SERINC5: variants seen among roughly 807,000 people sequenced by gnomAD.
SERINC5 encodes the protein chromosome 5 open reading frame 12.
SERINC5 carries 41 observed loss-of-function variants against 63.1 expected under a neutral mutation model. The ratio of observed to expected loss-of-function variants is 0.65; its 90% CI spans 0.51 to 0.84. The LOEUF (loss-of-function observed/expected upper bound fraction) is 0.84. Among genes scored for constraint, SERINC5 ranks in the 40% least tolerant of loss-of-function variants. The pLI, the probability that SERINC5 is intolerant of heterozygous loss-of-function variation, is 0.00. For synonymous variants in SERINC5, 222 were observed against 215.2 expected (o/e 1.03, Z -0.28); for missense variants, 523 against 573.0 (o/e 0.91, Z 0.89).
At chr5:80,241,951 G>T (rs546400934) in intron 1 of SERINC5, among the ~76,000 whole-genome samples, 7 of 150,738 alleles carry the variant, frequency 4.6e-5, no homozygotes, top group African/African-American at 1.5e-4. Context: ...TAGTAAGACC[G>T]TGTCTCCACA....
chr5:80,116,069 C>A, intron 11 of SERINC5: 1 of 341,488 alleles, frequency 2.9e-6, no homozygotes, highest in South Asian at 2.3e-5. Flanking sequence ...AAGGCTGGGG[C>A]TGATGGATGA....
chr5:80,193,657 G>T (rs59980937), intron 2 of SERINC5, among the ~76,000 whole-genome samples: 6,190 of 152,192 alleles, frequency 0.041, 431 homozygotes, highest in African/African-American at 0.14. Context: ...AAACCTCTTT[G>T]TCCTTGGTTC....
intron 11 of SERINC5, among the ~76,000 whole-genome samples, chr5:80,120,768 T>C (rs1438038263): frequency 6.6e-6 from 1 of 152,200 alleles, no homozygotes; most frequent in East Asian, 1.9e-4. Context: ...GAGCCGAGTT[T>C]CAGGCTGCAC....
chr5:80,171,358 G>A (rs985633732), intron 5 of SERINC5, among the ~76,000 whole-genome samples: 2 of 152,106 alleles, frequency 1.3e-5, no homozygotes, highest in Admixed American at 6.6e-5. Context: ...GAAACAAAGT[G>A]TTGCCAGCAG....
chr5:80,145,419 T>G (rs1456918283), intron 11 of SERINC5, among the ~76,000 whole-genome samples: 1 of 134,460 alleles, frequency 7.4e-6, no homozygotes, highest in Non-Finnish European at 1.6e-5. Flanking sequence ...TGGTTATCTG[T>G]GTGGGGGAAG....
chr5:80,180,400 G>A (rs183977496), intron 2 of SERINC5, among the ~76,000 whole-genome samples: 1 of 152,220 alleles, frequency 6.6e-6, no homozygotes, highest in Admixed American at 6.5e-5. Flanking sequence ...TGATAAAGAA[G>A]ATAATTTACA....
chr5:80,173,579 GAA>G (rs1491493091), intron 5 of SERINC5, among the ~76,000 whole-genome samples: 1 of 151,890 alleles, frequency 6.6e-6, no homozygotes, highest in Non-Finnish European at 1.5e-5. Flanking sequence ...CTGGGCGACA[GAA>G]CGAGACTCTG....
At chr5:80,117,918 T>C (rs1379006344) in intron 11 of SERINC5, among the ~76,000 whole-genome samples, 1 of 151,912 alleles carries the variant, frequency 6.6e-6, no homozygotes, top group Non-Finnish European at 1.5e-5. Flanking sequence ...AAAACACTTG[T>C]CATGCCAGAC....
intron 1 of SERINC5, chr5:80,255,100 C>T (rs1752592379): frequency 6.6e-6 from 1 of 152,246 alleles, no homozygotes; most frequent in African/African-American, 2.4e-5. Flanking sequence ...TTTTTTCTAA[C>T]TCTGCAGGAA....
chr5:80,232,314 G>T (rs1252630517), intron 1 of SERINC5, among the ~76,000 whole-genome samples: 1 of 151,474 alleles, frequency 6.6e-6, no homozygotes, highest in Non-Finnish European at 1.5e-5. Flanking sequence ...TGAGGCAGGA[G>T]AATGGCAAGA....
intron 1 of SERINC5, among the ~76,000 whole-genome samples, chr5:80,212,225 T>G (rs1362992423): frequency 6.6e-6 from 1 of 152,128 alleles, no homozygotes; most frequent in African/African-American, 2.4e-5. Context: ...TGGGGCACAG[T>G]GGGGAAGTTC....
chr5:80,201,682 T>C (rs1433410780), intron 2 of SERINC5, among the ~76,000 whole-genome samples: 5 of 152,180 alleles, frequency 3.3e-5, no homozygotes, highest in Admixed American at 3.3e-4. Flanking sequence ...AGGACTACTA[T>C]GGGGGAAAAA....
chr5:80,170,547 G>T (rs1747581545), intron 5 of SERINC5, among the ~76,000 whole-genome samples: 1 of 152,172 alleles, frequency 6.6e-6, no homozygotes, highest in South Asian at 2.1e-4. Flanking sequence ...TAATGAGTTT[G>T]AGCAGTCCTG....
At chr5:80,186,300 C>T (rs542268120) in intron 2 of SERINC5, among the ~76,000 whole-genome samples, 19 of 151,994 alleles carry the variant, frequency 1.3e-4, no homozygotes, top group Non-Finnish European at 1.8e-4. Flanking sequence ...CCATGCCTGG[C>T]TAACTTTTTG....
intron 8 of SERINC5, among the ~76,000 whole-genome samples, chr5:80,151,775 T>TG (rs1365617610): frequency 6.6e-6 from 1 of 152,206 alleles, no homozygotes; most frequent in Non-Finnish European, 1.5e-5. Flanking sequence ...TTCTAAGCAC[T>TG]GGGGACTCAG....
At chr5:80,226,823 A>C (rs1751189812) in intron 1 of SERINC5, among the ~76,000 whole-genome samples, 1 of 152,204 alleles carries the variant, frequency 6.6e-6, no homozygotes, top group Admixed American at 6.5e-5. Flanking sequence ...TCCTCACAAT[A>C]ATCCCATGAA....
Position 80,141,887 on chromosome 5 carries a change from C to G in SERINC5, c.*1776G>C, listed in dbSNP as rs1745530435. 18 of 985,442 alleles carry G rather than the reference C, an allele frequency of 1.8e-5. No homozygotes were observed. Among genetic ancestry groups the G allele is most frequent in the Non-Finnish European group, 2.2e-5 (18 of 829,930 alleles). The allele number at this position is 985,442 out of a possible 1,614,324, so 61.0% of individuals were successfully genotyped here. A position where few individuals can be genotyped will look rare whatever the true frequency, so the allele number is the denominator to read the frequency against. The stretch of plus-strand genomic sequence containing the variant: ...CTTTTGAAACTGAATCTCAAACACT[C>G]TAAGTAGGGAAAGTTCTAAAGGAAT... On this transcript the variant is annotated 3_prime_UTR_variant, in exon 12 of 12. Transcript: ENST00000507668.
intron 9 of SERINC5, among the ~76,000 whole-genome samples, chr5:80,147,583 G>A (rs1745903359): frequency 6.6e-6 from 1 of 152,016 alleles, no homozygotes; most frequent in African/African-American, 2.4e-5. Context: ...GATCATGGCA[G>A]GGGTAAAGGC....
At position 80,140,305 on chromosome 5, in the gene SERINC5, CAAAAAAAAAAAAAAAAA is replaced by C. The variant is rs55718546; in HGVS notation, c.*3341_*3357del. On this transcript the variant is annotated 3_prime_UTR_variant, in exon 12 of 12. Coordinates refer to ENST00000507668, the MANE Select transcript of SERINC5 (RefSeq NM_001174072.3). Reference sequence around the variant, plus strand: ...GTGGCTGACAGAGTGAGCCCGTCTCCAAAAAAAAAAAAAAAAAAAAAAAAAAAGGCTTAGGGTGACAA... The same window carrying C: ...GTGGCTGACAGAGTGAGCCCGTCTCCAAAAAAAAAAGGCTTAGGGTGACAA... The C allele has an allele frequency of 4.4e-5, 21 of 478,226 alleles. No individual in the cohort carries two copies. Among genetic ancestry groups the C allele is most frequent in the Middle Eastern group, 1.1e-3 (1 of 890 alleles). 29.6% of individuals were successfully genotyped at this position (478,226 alleles called of 1,614,324 possible).
Sources: gnomAD v4.1 joint callset for allele counts (sites outside exome capture counted in the v4.1 genomes callset) on GRCh38, gnomAD v4.1.1 for gene constraint, MANE v1.5 for transcripts, NCBI Gene and HGNC (gene_info 2026-07-23, HGNC 2026-07-21) for gene names.